SNX10: variants seen among roughly 807,000 people sequenced by gnomAD.
SNX10 encodes the protein sorting nexin 10.
Under a neutral mutation model 28.5 loss-of-function variants are expected in SNX10, and 25 were observed. That is an observed-to-expected ratio of 0.88 (90% CI 0.64 to 1.22). The LOEUF (loss-of-function observed/expected upper bound fraction) is 1.22, where lower values mean the gene tolerates loss of function less well. Among genes scored for constraint, SNX10 ranks in the 50% most tolerant of loss-of-function variants. The pLI is 0.00. For missense variants in SNX10, 223 were observed against 242.6 expected, an observed-to-expected ratio of 0.92 and a Z score of 0.54; for synonymous variants, 62 against 81.4, an observed-to-expected ratio of 0.76 and a Z score of 1.28.
chr7:26,355,321 T>C (rs1788777740), intron 2 of SNX10, among the ~76,000 whole-genome samples: 1 of 152,226 alleles, frequency 6.6e-6, no homozygotes, highest in African/African-American at 2.4e-5. Flanking sequence ...CCTTTCCATA[T>C]AAATTTTAGA....
At chr7:26,318,172 C>T (rs1031401817) in intron 1 of SNX10, among the ~76,000 whole-genome samples, 6 of 152,134 alleles carry the variant, frequency 3.9e-5, no homozygotes, top group East Asian at 1.9e-4. Flanking sequence ...GCCAGGCTAA[C>T]GCATATTTCC....
intron 3 of SNX10, among the ~76,000 whole-genome samples, chr7:26,361,976 A>G (rs1789091802): frequency 6.6e-6 from 1 of 152,262 alleles, no homozygotes. Flanking sequence ...ACTTCATAGC[A>G]CAAGTGAAGT....
intron 1 of SNX10, among the ~76,000 whole-genome samples, chr7:26,331,492 A>G (rs1422868826): frequency 2.0e-5 from 3 of 150,876 alleles, no homozygotes; most frequent in African/African-American, 7.3e-5. Flanking sequence ...GGGCTGTGGT[A>G]GGTGGATCAC....
At chr7:26,323,829 A>G (rs1322390741) in intron 1 of SNX10, among the ~76,000 whole-genome samples, 1 of 152,162 alleles carries the variant, frequency 6.6e-6, no homozygotes, top group East Asian at 1.9e-4. Flanking sequence ...GATTTAGGAT[A>G]CATTTGGAAG....
intron 1 of SNX10, among the ~76,000 whole-genome samples, chr7:26,318,316 T>C (rs1787171801): frequency 1.3e-5 from 2 of 152,230 alleles, no homozygotes; most frequent in Admixed American, 6.5e-5. Flanking sequence ...GTCTTGCTTT[T>C]GTCTCTCTGG....
At chr7:26,324,869 A>C (rs1787440861) in intron 1 of SNX10, among the ~76,000 whole-genome samples, 1 of 152,202 alleles carries the variant, frequency 6.6e-6, no homozygotes, top group Non-Finnish European at 1.5e-5. Context: ...TTAAATTTAA[A>C]AATACGTAAA....
At chr7:26,319,737 ATT>A (rs1787235533) in intron 1 of SNX10, among the ~76,000 whole-genome samples, 1 of 152,126 alleles carries the variant, frequency 6.6e-6, no homozygotes, top group Admixed American at 6.6e-5. Flanking sequence ...TTAAGTGTTG[ATT>A]TTGACTGATG....
intron 1 of SNX10, among the ~76,000 whole-genome samples, chr7:26,328,965 C>T (rs1369538102): frequency 6.6e-6 from 1 of 152,206 alleles, no homozygotes; most frequent in Non-Finnish European, 1.5e-5. Flanking sequence ...ACCTCCACTG[C>T]TGCTTCTCAG....
intron 1 of SNX10, among the ~76,000 whole-genome samples, chr7:26,324,465 T>G (rs1002827739): frequency 6.6e-6 from 1 of 152,206 alleles, no homozygotes; most frequent in Admixed American, 6.5e-5. Flanking sequence ...TCTCACGTGA[T>G]CTTCCCACCT....
intron 1 of SNX10, among the ~76,000 whole-genome samples, chr7:26,314,726 G>A (rs926522801): frequency 2.6e-5 from 4 of 152,174 alleles, no homozygotes; most frequent in South Asian, 4.1e-4. Flanking sequence ...CAGGCCAGGC[G>A]TGGTGGCTCA....
intron 1 of SNX10, among the ~76,000 whole-genome samples, chr7:26,339,302 C>A (rs1032782441): frequency 2.0e-5 from 3 of 152,124 alleles, no homozygotes; most frequent in Non-Finnish European, 4.4e-5. Flanking sequence ...GCCATGCCGC[C>A]CAGACTGGTC....
chr7:26,307,084 C>T (rs149842901), intron 1 of SNX10, among the ~76,000 whole-genome samples: 1,742 of 152,234 alleles, frequency 0.011, 31 homozygotes, highest in African/African-American at 0.039. Flanking sequence ...ACAGAGGCAC[C>T]GTGAAGGAAA....
At chr7:26,353,028 T>C (rs1397285045) in intron 2 of SNX10, among the ~76,000 whole-genome samples, 2 of 152,130 alleles carry the variant, frequency 1.3e-5, no homozygotes, top group Non-Finnish European at 2.9e-5. Context: ...TTACAAGATA[T>C]GAAAAGGTAA....
chr7:26,361,548 C>T (rs560718606), intron 3 of SNX10, among the ~76,000 whole-genome samples: 175 of 152,238 alleles, frequency 1.1e-3, no homozygotes, highest in African/African-American at 4.0e-3. Flanking sequence ...ATTAATGTAA[C>T]GAGTAAGCAA....
intron 2 of SNX10, among the ~76,000 whole-genome samples, chr7:26,348,436 T>C (rs1788472793): frequency 6.6e-6 from 1 of 152,250 alleles, no homozygotes; most frequent in Non-Finnish European, 1.5e-5. Flanking sequence ...AACTCAGAGC[T>C]ATTATCCTCA....
rs114534014 is a variant in SNX10 at position 26,369,241 on chromosome 7, C to T, written c.312-2580C>T. Among the ~76,000 whole-genome samples, 575 of 152,116 alleles carry T rather than the reference C, an allele frequency of 3.8e-3. 6 individuals are homozygous for T. Among genetic ancestry groups the T allele is most frequent in the African/African-American group, 0.013 (556 of 41,510 alleles). On this transcript the variant is annotated intron_variant, in intron 5 of 6. Coordinates refer to ENST00000338523, the MANE Select transcript of SNX10 (RefSeq NM_013322.3). ...ATTTTATTGACTGTTTTACAAAGTA[C>T]TCTTTATATTAGGTTTGAAATTGAT... is the stretch of plus-strand genomic sequence containing the variant.
chr7:26,335,735 C>CTTTTTTTTT (rs57340085), intron 1 of SNX10, among the ~76,000 whole-genome samples: 7 of 84,274 alleles, frequency 8.3e-5, no homozygotes, highest in African/African-American at 1.8e-4. Context: ...ATGGAATATT[C>CTTTTTTTTT]TTTTTTTTTT....
rs181886847 is a variant in SNX10 at position 26,313,931 on chromosome 7, C to T, written c.-24+21845C>T. On this transcript the variant is annotated intron_variant, in intron 1 of 6. Transcript: ENST00000338523. Reference sequence around the variant, plus strand: ...AAGTGATTCTCCTGTCTCAGCCTCCCGAGTAGCTGGGGAGGCTACAGGCAC... The same window carrying T: ...AAGTGATTCTCCTGTCTCAGCCTCCTGAGTAGCTGGGGAGGCTACAGGCAC... 3.5e-4 allele frequency among the ~76,000 whole-genome samples: 54 copies of T among 152,136 alleles called. No individual in the cohort carries two copies. The East Asian group carries it at 5.4e-3, about 15-fold the overall frequency.
At chr7:26,314,725 C>T (rs1046274559) in intron 1 of SNX10, among the ~76,000 whole-genome samples, 1 of 152,018 alleles carries the variant, frequency 6.6e-6, no homozygotes, top group Non-Finnish European at 1.5e-5. Context: ...ACAGGCCAGG[C>T]GTGGTGGCTC....
Sources: gnomAD v4.1 joint callset for allele counts (sites outside exome capture counted in the v4.1 genomes callset) on GRCh38, gnomAD v4.1.1 for gene constraint, MANE v1.5 for transcripts, NCBI Gene and HGNC (gene_info 2026-07-23, HGNC 2026-07-21) for gene names.